The following ABR variants were observed in gnomAD, a reference collection of about 807,000 sequenced individuals.
ABR encodes the protein ABR activator of RhoGEF and GTPase.
In ABR, 35 loss-of-function variants were observed where a neutral mutation model predicts 107.2. The observed-to-expected ratio is 0.33, with a 90% CI of 0.25 to 0.43. The LOEUF is 0.43. Among genes scored for constraint, ABR ranks in the 20% least tolerant of loss-of-function variants. The pLI is 1.00. For synonymous variants in ABR, 498 were observed against 462.0 expected, an observed-to-expected ratio of 1.08 and a Z score of -1.00; for missense variants, 815 against 1,115.2, an observed-to-expected ratio of 0.73 and a Z score of 3.83.
intron 10 of ABR, among the ~76,000 whole-genome samples, chr17:1,065,371 A>C (rs1241930569): frequency 1.6e-5 from 1 of 61,140 alleles, no homozygotes; most frequent in Non-Finnish European, 3.1e-5. Flanking sequence ...ACGTGAACTG[A>C]GGGCTATGCA....
chr17:1,121,349 T>C (rs911757955), intron 2 of ABR, among the ~76,000 whole-genome samples: 3 of 152,238 alleles, frequency 2.0e-5, no homozygotes, highest in African/African-American at 7.2e-5. Flanking sequence ...CAGCAGATAT[T>C]GATCAGACTT....
At chr17:1,107,187 G>A (rs182451721) in intron 2 of ABR, among the ~76,000 whole-genome samples, 2 of 152,240 alleles carry the variant, frequency 1.3e-5, no homozygotes, top group African/African-American at 4.8e-5. Flanking sequence ...GGTGCTCACG[G>A]GGACCCAGGA....
chr17:1,092,153 C>T lies in ABR; in HGVS notation c.346-303G>A, dbSNP rs2037072696. On this transcript the variant is annotated intron_variant, in intron 3 of 22. Transcript: ENST00000302538. This position sits in a 1 kb window ranked among gnomAD's most constrained non-coding sequence, Gnocchi z 4.6. ...CAGCCTGTACTGGGTTAACAGGATC[C>T]GCGTCTTTCTTCCACGATAGCCTGT... Among the ~76,000 whole-genome samples the T allele has an allele frequency of 1.3e-5, 2 of 152,180 alleles. No homozygotes were observed.
At position 1,010,929 on chromosome 17, in the gene ABR, C is replaced by G; in HGVS notation, c.2102-66G>C. On this transcript the variant is annotated intron_variant, in intron 19 of 22. Coordinates refer to ENST00000302538, the MANE Select transcript of ABR (RefSeq NM_021962.5). This position sits in a 1 kb window ranked among gnomAD's most constrained non-coding sequence, Gnocchi z 4.1. ...CAGCAGCCCCGTTCCACCCCCGACC[C>G]ATCCTGACACAGCCCCCACCCACTC... is the stretch of plus-strand genomic sequence containing the variant. 1 of 1,590,722 alleles carries G rather than the reference C, an allele frequency of 6.3e-7. No individual in the cohort carries two copies. Among genetic ancestry groups the G allele is most frequent in the Non-Finnish European group, 8.6e-7 (1 of 1,169,360 alleles).
intron 10 of ABR, among the ~76,000 whole-genome samples, chr17:1,064,261 T>C (rs1188212045): frequency 1.4e-4 from 5 of 35,792 alleles, no homozygotes; most frequent in South Asian, 1.8e-3. Context: ...CTGAGGGCTA[T>C]GCATGTTCCT....
At chr17:1,069,147 A>G (rs935039025) in intron 9 of ABR, among the ~76,000 whole-genome samples, 2 of 152,220 alleles carry the variant, frequency 1.3e-5, no homozygotes, top group African/African-American at 4.8e-5. Flanking sequence ...CAGAAACAGC[A>G]GAGCCCCAAA....
At chr17:1,178,641 C>T (rs1015790895) in intron 1 of ABR, among the ~76,000 whole-genome samples, 5 of 151,988 alleles carry the variant, frequency 3.3e-5, no homozygotes, top group Non-Finnish European at 7.4e-5. Flanking sequence ...CCAGGCTCCA[C>T]GTGGCCCCAC....
chr17:1,091,606 C>A, intron 4 of ABR, 59 bp downstream of exon 4: 1 of 1,562,550 alleles, frequency 6.4e-7, no homozygotes, highest in Non-Finnish European at 8.7e-7. Context: ...GAGGCTCCTG[C>A]AACACTATGG....
chr17:1,083,925 C>T (rs2036427337), intron 4 of ABR, among the ~76,000 whole-genome samples: 1 of 152,172 alleles, frequency 6.6e-6, no homozygotes, highest in South Asian at 2.1e-4. Flanking sequence ...ATCCAGCTTT[C>T]CTCAGCACGG....
intron 10 of ABR, among the ~76,000 whole-genome samples, chr17:1,065,136 C>T (rs1477692893): frequency 5.1e-5 from 2 of 39,152 alleles, no homozygotes; most frequent in Non-Finnish European, 9.5e-5. Context: ...TTCCTCTAGA[C>T]GCTGCTGTTA....
chr17:1,136,600 C>G (rs1385037261), intron 1 of ABR, among the ~76,000 whole-genome samples: 3 of 152,198 alleles, frequency 2.0e-5, no homozygotes, highest in African/African-American at 7.2e-5. Context: ...CTGGCCGCAG[C>G]TTCTCCATCC....
chr17:1,086,737 G>A (rs959513111), intron 4 of ABR, among the ~76,000 whole-genome samples: 1 of 152,122 alleles, frequency 6.6e-6, no homozygotes, highest in South Asian at 2.1e-4. Context: ...CTGACCTCAG[G>A]TGATCCACCC....
rs1161490478 is a variant in ABR, at chr17:1,037,838, A to T, written c.1791+12212T>A. On this transcript the variant is annotated intron_variant, in intron 16 of 22. Transcript: ENST00000302538. The surrounding 1 kb of genome is among the most constrained non-coding windows in gnomAD (Gnocchi z 4.6). ...CCCAAGCTCCGAGCTCATGGTGGCC[A>T]GAAGCAAAGCCCTGGGAGCCAGGGA... Among the ~76,000 whole-genome samples, 1 of 152,150 alleles carries T rather than the reference A, an allele frequency of 6.6e-6. No homozygotes were observed. The highest frequency in any genetic ancestry group is 6.5e-5 in the Admixed American group (1 of 15,282).
chr17:1,115,339 C>A (rs72814062), intron 2 of ABR: 3,136 of 152,400 alleles, frequency 0.021, 46 homozygotes, highest in Non-Finnish European at 0.032. Flanking sequence ...AGGCCTTTAA[C>A]AACGGCAGGT....
chr17:1,072,911 C>T (rs900644479), intron 7 of ABR, among the ~76,000 whole-genome samples, 157 bp from the exon 8 acceptor site: 4 of 152,112 alleles, frequency 2.6e-5, no homozygotes, highest in Non-Finnish European at 4.4e-5. Context: ...CCGGGCACGG[C>T]GGCTCATGCC....
chr17:1,086,193 C>T (rs915378172), intron 4 of ABR, among the ~76,000 whole-genome samples: 6 of 152,130 alleles, frequency 3.9e-5, no homozygotes, highest in Non-Finnish European at 7.4e-5. Flanking sequence ...AAATGATGTA[C>T]GTGGCTCATA....
rs1395927397 is a variant in ABR, at chr17:1,012,768, G to A, written c.1881C>T (p.Thr627=). Residue 627 remains threonine, a synonymous_variant, in exon 18 of 23, where the codon ACC becomes ACT. Coordinates refer to ENST00000302538, the MANE Select transcript of ABR (RefSeq NM_021962.5). ...GIKVEFSMKF[T]SRDMSLKRTP... is the part of the protein sequence containing the mutation. ...TCCTCTTCAGGCTCATATCTCGGCTGGTGAATTTCATGGAAAATTCCACTT... is the reference window on the plus strand; with the variant it reads ...TCCTCTTCAGGCTCATATCTCGGCTAGTGAATTTCATGGAAAATTCCACTT... The A allele has an allele frequency of 1.3e-6, 2 of 1,593,370 alleles. No individual in the cohort carries two copies. The highest frequency in any genetic ancestry group is 2.3e-5 in the East Asian group (1 of 44,336).
chr17:1,146,247 G>A (rs62069429), intron 1 of ABR, among the ~76,000 whole-genome samples: 8 of 134,696 alleles, frequency 5.9e-5, no homozygotes, highest in Admixed American at 2.4e-4. Context: ...TTCTATCCAC[G>A]CAGGCACATG....
intron 1 of ABR, among the ~76,000 whole-genome samples, chr17:1,195,213 A>G (rs967340064): frequency 1.9e-4 from 28 of 143,956 alleles, no homozygotes; most frequent in Admixed American, 9.0e-4. Context: ...AGGCTGAGGC[A>G]GGAGAATGGC....
Sources: allele counts gnomAD v4.1 joint callset (sites outside exome capture counted in the v4.1 genomes callset), GRCh38; gene constraint gnomAD v4.1.1; non-coding constraint Gnocchi (gnomAD v3.1); transcripts MANE v1.5; gene names NCBI Gene and HGNC (gene_info 2026-07-23, HGNC 2026-07-21).